The following SH3KBP1 variants were observed in gnomAD, a reference collection of about 807,000 sequenced individuals.
SH3KBP1 encodes the protein SH3 domain containing kinase binding protein 1.
A neutral mutation model predicts 50.1 loss-of-function variants in SH3KBP1; 8 were observed. That is an observed-to-expected ratio of 0.16 (90% CI 0.09 to 0.29). SH3KBP1 has a LOEUF of 0.29. SH3KBP1 is among the 10% of genes least tolerant of loss of function. The probability of loss-of-function intolerance (pLI) is 1.00; values close to 1 mark genes in which losing one functional copy is unlikely to be tolerated. For synonymous variants in SH3KBP1, 227 were observed against 218.6 expected (o/e 1.04, Z -0.34); for missense variants, 377 against 535.2 (o/e 0.70, Z 2.92).
rs1432669923 is a variant in SH3KBP1, at chrX:19,600,361, G to A, written c.1006-5361C>T. ...ATCGTGCCACTGCACTCTAGCCTGG[G>A]CAACAGAGGGAAACCCTGTCTCAGT... On this transcript the variant is annotated intron_variant, in intron 9 of 17. Coordinates refer to ENST00000397821, the MANE Select transcript of SH3KBP1 (RefSeq NM_031892.3). 1.8e-5 allele frequency among the ~76,000 whole-genome samples: 2 copies of A among 110,887 alleles called. 1 individual carries two copies. The highest frequency in any genetic ancestry group is 6.6e-5 in the African/African-American group (2 of 30,423).
chrX:19,591,183 C>A (rs2066739084), intron 11 of SH3KBP1, among the ~76,000 whole-genome samples: 2 of 110,644 alleles, frequency 1.8e-5, no homozygotes, highest in Admixed American at 9.7e-5. Context: ...AATAAAATTT[C>A]ATGAGGCCAC....
intron 1 of SH3KBP1, among the ~76,000 whole-genome samples, chrX:19,846,591 T>C (rs2068373776): frequency 8.9e-6 from 1 of 111,821 alleles, no homozygotes; most frequent in Non-Finnish European, 1.9e-5. Context: ...CCTGTTTTTC[T>C]CAGTGAGAAG....
At chrX:19,595,581 T>G (rs978975666) in intron 9 of SH3KBP1, among the ~76,000 whole-genome samples, 2 of 110,024 alleles carry the variant, frequency 1.8e-5, no homozygotes, top group African/African-American at 6.8e-5. Flanking sequence ...TGTTGTTGTT[T>G]TTTGGTTTGT....
chrX:19,645,160 A>G lies in SH3KBP1; in HGVS notation c.802+240T>C, dbSNP rs758828402. ...CTAGCTCTTCATACGAGTGAGATAC[A>G]TATAGCAGGAGAGAACCACGTTCTG... On this transcript the variant is annotated intron_variant, in intron 7 of 17. Coordinates refer to ENST00000397821, the MANE Select transcript of SH3KBP1 (RefSeq NM_031892.3). Among the ~76,000 whole-genome samples the G allele has an allele frequency of 2.7e-5, 3 of 112,197 alleles. No homozygotes were observed. The South Asian group carries it at 1.1e-3, about 42-fold the overall frequency.
chrX:19,594,880 G>T, intron 10 of SH3KBP1, 69 bp downstream of exon 10: 1 of 830,680 alleles, frequency 1.2e-6, no homozygotes, highest in Non-Finnish European at 1.8e-6. Context: ...ACTCTACACT[G>T]AGGATGATTT....
chrX:19,730,575 C>T (rs913540947), intron 3 of SH3KBP1, among the ~76,000 whole-genome samples: 27 of 111,452 alleles, frequency 2.4e-4, no homozygotes, highest in African/African-American at 8.2e-4. Flanking sequence ...CTCAGGCCAC[C>T]CCCACAGGGA....
At chrX:19,850,811 C>T (rs761188371) in intron 1 of SH3KBP1, among the ~76,000 whole-genome samples, 9 of 110,365 alleles carry the variant, frequency 8.2e-5, no homozygotes, top group Admixed American at 7.8e-4. Flanking sequence ...TATCTGTACC[C>T]GCCTGGTACT....
chrX:19,667,119 C>A (rs2062618669), intron 6 of SH3KBP1, among the ~76,000 whole-genome samples: 1 of 112,054 alleles, frequency 8.9e-6, no homozygotes, highest in Admixed American at 9.5e-5. Flanking sequence ...AATATCCCCA[C>A]GAATCCACAT....
intron 15 of SH3KBP1, among the ~76,000 whole-genome samples, chrX:19,542,843 C>T (rs1569265889): frequency 9.0e-6 from 1 of 111,421 alleles, no homozygotes; most frequent in Non-Finnish European, 1.9e-5. Flanking sequence ...TCAGAGGGGG[C>T]AAGAGAGGGC....
At chrX:19,682,615 A>G (rs1266550889) in intron 6 of SH3KBP1, among the ~76,000 whole-genome samples, 1 of 111,028 alleles carries the variant, frequency 9.0e-6, no homozygotes, top group African/African-American at 3.3e-5. Context: ...TAGTTTTCAG[A>G]TCTTGAAAAA....
At chrX:19,572,491 T>G (rs2066071628) in intron 12 of SH3KBP1, among the ~76,000 whole-genome samples, 1 of 102,781 alleles carries the variant, frequency 9.7e-6, no homozygotes, top group Non-Finnish European at 1.9e-5. Flanking sequence ...ACATATATGT[T>G]ATATATAGTA....
intron 2 of SH3KBP1, among the ~76,000 whole-genome samples, chrX:19,795,582 G>A (rs941868344): frequency 9.0e-6 from 1 of 111,485 alleles, no homozygotes; most frequent in Admixed American, 9.6e-5. Flanking sequence ...GGCCATTACA[G>A]AGGCCATATT....
chrX:19,704,770 A>G (rs1394762038), intron 4 of SH3KBP1, among the ~76,000 whole-genome samples: 1 of 112,604 alleles, frequency 8.9e-6, no homozygotes, highest in East Asian at 2.8e-4. Context: ...GCAAAGTATC[A>G]TAACAAATAC....
chrX:19,833,408 T>C (rs1441223591), intron 2 of SH3KBP1, among the ~76,000 whole-genome samples: 2 of 91,646 alleles, frequency 2.2e-5, no homozygotes, highest in Admixed American at 1.2e-4. Context: ...CTTCCCAGGG[T>C]CCTCCTCTGT....
chrX:19,655,224 AATTCATTCATTCCTCATTC>A (rs1300031068), intron 6 of SH3KBP1, among the ~76,000 whole-genome samples: 1 of 110,701 alleles, frequency 9.0e-6, no homozygotes, highest in Non-Finnish European at 1.9e-5. Context: ...CAATTACCTT[AATTCATTCATTCCTCATTC>A]ATTCATTCAT....
intron 8 of SH3KBP1, among the ~76,000 whole-genome samples, chrX:19,625,957 C>T (rs2068005513): frequency 8.9e-6 from 1 of 111,752 alleles, no homozygotes; most frequent in African/African-American, 3.3e-5. Flanking sequence ...GCACTCTGGG[C>T]CTCTGCTCCT....
At chrX:19,588,592 T>C (rs780849800) in intron 12 of SH3KBP1, 51 bp downstream of exon 12, 8 of 1,205,697 alleles carry the variant, frequency 6.6e-6, no homozygotes, top group Non-Finnish European at 7.8e-6. Context: ...CCTCCTGTGT[T>C]CCTTCCATAG....
At chrX:19,835,343 T>G (rs1281052854) in intron 2 of SH3KBP1, among the ~76,000 whole-genome samples, 1 of 109,914 alleles carries the variant, frequency 9.1e-6, no homozygotes, top group African/African-American at 3.3e-5. Flanking sequence ...CTCCCTATAT[T>G]GCCCAGGCTG....
chrX:19,867,374 A>G (rs1448890453), intron 1 of SH3KBP1, among the ~76,000 whole-genome samples: 2 of 111,622 alleles, frequency 1.8e-5, no homozygotes. Flanking sequence ...ATTTCCTTGC[A>G]TTTTCCAGCA....
Sources: allele counts gnomAD v4.1 joint callset (sites outside exome capture counted in the v4.1 genomes callset), GRCh38; gene constraint gnomAD v4.1.1; transcripts MANE v1.5; gene names NCBI Gene and HGNC (gene_info 2026-07-23, HGNC 2026-07-21).